ROR1: variants seen among roughly 807,000 people sequenced by gnomAD.
The protein encoded by ROR1 is ROR family WNT receptor 1.
Under a neutral mutation model 78.8 loss-of-function variants are expected in ROR1, and 19 were observed. The observed-to-expected ratio is 0.24, with a 90% confidence interval of 0.17 to 0.35. The LOEUF (loss-of-function observed/expected upper bound fraction) is 0.35, where lower values mean the gene tolerates loss of function less well. Ranked by LOEUF, ROR1 falls within the 10% of genes least tolerant of loss-of-function variation. The pLI is 1.00. For synonymous variants in ROR1, 386 were observed against 433.6 expected, an observed-to-expected ratio of 0.89 and a Z score of 1.36; for missense variants, 917 against 1,177.8, an observed-to-expected ratio of 0.78 and a Z score of 3.24.
At chr1:64,067,643 T>C (rs974794919) in intron 4 of ROR1, among the ~76,000 whole-genome samples, 2 of 151,570 alleles carry the variant, frequency 1.3e-5, no homozygotes, top group African/African-American at 2.4e-5. Context: ...ATTTTTAGAA[T>C]AATTGAATTG....
At chr1:64,004,710 C>A (rs1298998644) in intron 1 of ROR1, among the ~76,000 whole-genome samples, 2 of 152,166 alleles carry the variant, frequency 1.3e-5, no homozygotes, top group East Asian at 3.9e-4. Context: ...TGAGATGAAC[C>A]AGTAATCCTT....
At chr1:63,853,691 G>A (rs1645130777) in intron 1 of ROR1, among the ~76,000 whole-genome samples, 2 of 152,160 alleles carry the variant, frequency 1.3e-5, no homozygotes, top group Admixed American at 1.3e-4. Context: ...ATTAAACAGT[G>A]CACTGGGGAC....
At chr1:64,142,300 C>T (rs781276671) in intron 6 of ROR1, 105 bp from the exon 7 acceptor site, 109 of 1,505,362 alleles carry the variant, frequency 7.2e-5, no homozygotes, top group Non-Finnish European at 9.1e-5. Flanking sequence ...GCTGTGGCCA[C>T]GAGGTTAATT....
intron 2 of ROR1, among the ~76,000 whole-genome samples, chr1:64,035,737 G>A (rs971075333): frequency 1.3e-5 from 2 of 152,304 alleles, no homozygotes; most frequent in Middle Eastern, 3.4e-3. Context: ...GATTCATAAA[G>A]AGAATTAGAG....
intron 1 of ROR1, among the ~76,000 whole-genome samples, chr1:63,935,229 G>A (rs1645785201): frequency 6.6e-6 from 1 of 152,116 alleles, no homozygotes; most frequent in African/African-American, 2.4e-5. Flanking sequence ...CTTTGGTTAG[G>A]AAAACAGAAT....
At chr1:63,859,579 C>G (rs1225384762) in intron 1 of ROR1, among the ~76,000 whole-genome samples, 1 of 152,158 alleles carries the variant, frequency 6.6e-6, no homozygotes, top group Non-Finnish European at 1.5e-5. Flanking sequence ...GGGATACAGA[C>G]ATGGGTAAAG....
At chr1:64,040,077 G>A (rs1250634459) in intron 2 of ROR1, among the ~76,000 whole-genome samples, 2 of 152,192 alleles carry the variant, frequency 1.3e-5, no homozygotes, top group African/African-American at 4.8e-5. Flanking sequence ...AGCTTCAAGT[G>A]ACTTCTTGGA....
intron 1 of ROR1, among the ~76,000 whole-genome samples, chr1:63,794,181 A>G (rs553712658): frequency 4.6e-5 from 7 of 152,194 alleles, no homozygotes; most frequent in Non-Finnish European, 8.8e-5. Flanking sequence ...AAACCCATTC[A>G]ACTAACTGTG....
intron 1 of ROR1, among the ~76,000 whole-genome samples, chr1:63,787,480 TCCTGCCTTCCTG>T (rs1326824674): frequency 4.3e-4 from 52 of 120,038 alleles, no homozygotes; most frequent in African/African-American, 1.6e-3. Flanking sequence ...CTTCCTTCCT[TCCTGCCTTCCTG>T]CCTTCCTGAC....
intron 1 of ROR1, among the ~76,000 whole-genome samples, chr1:63,820,343 T>A (rs1452668971): frequency 6.6e-6 from 1 of 152,200 alleles, no homozygotes; most frequent in African/African-American, 2.4e-5. Flanking sequence ...CCTGTACTGC[T>A]GCAGGCCACA....
At chr1:63,955,586 G>T (rs7516135) in intron 1 of ROR1, among the ~76,000 whole-genome samples, 2,032 of 152,248 alleles carry the variant, frequency 0.013, 45 homozygotes, top group African/African-American at 0.047. Context: ...AATAAATCCA[G>T]CTGCTTCCTG....
chr1:64,026,701 A>G (rs1646613720), intron 2 of ROR1, among the ~76,000 whole-genome samples: 1 of 152,184 alleles, frequency 6.6e-6, no homozygotes, highest in South Asian at 2.1e-4. Context: ...CATGTCTTAC[A>G]TGGCGGCATG....
At chr1:63,974,386 T>C (rs1244386205) in intron 1 of ROR1, among the ~76,000 whole-genome samples, 1 of 152,222 alleles carries the variant, frequency 6.6e-6, no homozygotes, top group Non-Finnish European at 1.5e-5. Flanking sequence ...GGTCAAGAAA[T>C]ATTATTGAAT....
At chr1:64,097,682 A>G (rs1647353965) in intron 4 of ROR1, among the ~76,000 whole-genome samples, 1 of 152,018 alleles carries the variant, frequency 6.6e-6, no homozygotes, top group Non-Finnish European at 1.5e-5. Context: ...AAAAAGAATA[A>G]GGTGAAGCAA....
chr1:63,884,557 C>A (rs966438147), intron 1 of ROR1, among the ~76,000 whole-genome samples: 1 of 152,122 alleles, frequency 6.6e-6, no homozygotes, highest in Non-Finnish European at 1.5e-5. Context: ...CAGCCTCAGC[C>A]TTTTGATTCA....
chr1:64,016,830 A>G (rs890772788), intron 2 of ROR1, among the ~76,000 whole-genome samples: 1 of 151,318 alleles, frequency 6.6e-6, no homozygotes, highest in Non-Finnish European at 1.5e-5. Flanking sequence ...GACCACTAAT[A>G]TGATTAGAGA....
intron 4 of ROR1, among the ~76,000 whole-genome samples, chr1:64,100,064 A>T (rs1270673844): frequency 2.0e-5 from 3 of 151,968 alleles, no homozygotes. Flanking sequence ...CAAAAAGTTG[A>T]GTTTATTTTT....
intron 4 of ROR1, among the ~76,000 whole-genome samples, chr1:64,129,510 T>C (rs1200539974): frequency 1.3e-5 from 2 of 152,302 alleles, no homozygotes; most frequent in Non-Finnish European, 1.5e-5. Context: ...TAATAAGAAC[T>C]TGGGGGCGCT....
chr1:63,862,551 A>AT (rs1436239926), intron 1 of ROR1, among the ~76,000 whole-genome samples: 1 of 152,148 alleles, frequency 6.6e-6, no homozygotes, highest in African/African-American at 2.4e-5. Flanking sequence ...TGAAAGAAGT[A>AT]TATCTTTGAA....
Sources: allele counts gnomAD v4.1 joint callset (sites outside exome capture counted in the v4.1 genomes callset), GRCh38; gene constraint gnomAD v4.1.1; transcripts MANE v1.5; gene names NCBI Gene and HGNC (gene_info 2026-07-23, HGNC 2026-07-21).